The following BMPR1A variants were observed in gnomAD, a reference collection of about 807,000 sequenced individuals.
BMPR1A encodes the protein bone morphogenetic protein receptor type 1A, also known as bone morphogenetic protein receptor type-1A.
BMPR1A carries 7 observed loss-of-function variants against 66.0 expected under a neutral mutation model. That is an observed-to-expected ratio of 0.11 (90% CI 0.06 to 0.20). The LOEUF (loss-of-function observed/expected upper bound fraction) is 0.20. BMPR1A is among the 10% of genes least tolerant of loss of function. The pLI, the probability that BMPR1A is intolerant of heterozygous loss-of-function variation, is 1.00. For synonymous variants in BMPR1A, 200 were observed against 229.7 expected (o/e 0.87, Z 1.17); for missense variants, 408 against 669.1 (o/e 0.61, Z 4.31).
chr10:86,790,235 A>ATATATC (rs1841595462), intron 1 of BMPR1A, among the ~76,000 whole-genome samples: 1 of 87,766 alleles, frequency 1.1e-5, no homozygotes, highest in Non-Finnish European at 2.4e-5. Context: ...ATATATATAT[A>ATATATC]TCAAAACCAC....
At chr10:86,922,798 G>T (rs12765929) in intron 11 of BMPR1A, among the ~76,000 whole-genome samples, 35,902 of 152,254 alleles carry the variant, frequency 0.24, 4,712 homozygotes, top group Admixed American at 0.34. Flanking sequence ...GAAAGCAGAC[G>T]TGCAGTACAC....
intron 2 of BMPR1A, among the ~76,000 whole-genome samples, chr10:86,858,200 A>G (rs1842670674): frequency 1.3e-5 from 2 of 152,150 alleles, no homozygotes; most frequent in Admixed American, 1.3e-4. Flanking sequence ...ATGAAATTTA[A>G]CTCCATGATG....
At chr10:86,757,171 T>C (rs968942953) in intron 1 of BMPR1A, among the ~76,000 whole-genome samples, 1 of 151,952 alleles carries the variant, frequency 6.6e-6, no homozygotes, top group East Asian at 1.9e-4. Context: ...CAGGCCGAGT[T>C]TGGGGATGCG....
intron 2 of BMPR1A, among the ~76,000 whole-genome samples, chr10:86,850,934 A>G (rs1842558630): frequency 6.6e-6 from 1 of 152,240 alleles, no homozygotes. Flanking sequence ...ACAGCTTTAT[A>G]TTATTAGATT....
At chr10:86,797,125 C>T (rs1168967317) in intron 1 of BMPR1A, among the ~76,000 whole-genome samples, 2 of 143,512 alleles carry the variant, frequency 1.4e-5, no homozygotes, top group East Asian at 2.0e-4. Context: ...AGTGCAGTGG[C>T]GCGATCTCTG....
rs1341547533 is a variant in BMPR1A, at chr10:86,925,760, G to T, written c.*2041G>T. 7.9e-6 allele frequency: 1 copy of T among 126,366 alleles called. No homozygotes were observed. The highest frequency in any genetic ancestry group is 1.5e-5 in the Non-Finnish European group (1 of 67,684). The allele number at this position is 126,366 out of a possible 1,614,324, so 7.8% of individuals were successfully genotyped here. A position where few individuals can be genotyped will look rare whatever the true frequency, so the allele number is the denominator to read the frequency against. ...TTTTGAGACGGAGTCTCGCTCTGTC[G>T]CCCAGGCTGGACTGCGGACTGCAGT... On this transcript the variant is annotated 3_prime_UTR_variant, in exon 13 of 13. Transcript: ENST00000372037.
chr10:86,818,495 C>T (rs1294737326), intron 1 of BMPR1A, among the ~76,000 whole-genome samples: 1 of 152,140 alleles, frequency 6.6e-6, no homozygotes, highest in Non-Finnish European at 1.5e-5. Context: ...TTTCAGATTG[C>T]TTTTGTCTCA....
At chr10:86,846,504 C>T (rs1280870605) in intron 2 of BMPR1A, among the ~76,000 whole-genome samples, 1 of 152,194 alleles carries the variant, frequency 6.6e-6, no homozygotes, top group African/African-American at 2.4e-5. Context: ...GCCTCTTCTC[C>T]AGGCTTCTGG....
Position 86,925,721 on chromosome 10 carries a change from C to CTT in BMPR1A, c.*2018_*2019dup, listed in dbSNP as rs11450437. The stretch of plus-strand genomic sequence containing the variant: ...CATAATCTTTAAAATCATTTGTCAT[C>CTT]TTTTTTTTTTTTTTTTTGAGACGGA... On this transcript the variant is annotated 3_prime_UTR_variant, in exon 13 of 13. Coordinates refer to ENST00000372037, the MANE Select transcript of BMPR1A (RefSeq NM_004329.3). 880 of 117,050 alleles carry CTT rather than the reference C, an allele frequency of 7.5e-3. 104 individuals carry two copies. The highest frequency in any genetic ancestry group is 0.029 in the African/African-American group (717 of 25,042). The allele number at this position is 117,050 out of a possible 1,614,324, so 7.3% of individuals were successfully genotyped here. A position where few individuals can be genotyped will look rare whatever the true frequency, so the allele number is the denominator to read the frequency against.
chr10:86,764,247 G>A (rs1337937646), intron 1 of BMPR1A, among the ~76,000 whole-genome samples: 1 of 149,458 alleles, frequency 6.7e-6, no homozygotes, highest in African/African-American at 2.5e-5. Flanking sequence ...GCTAAAAGAA[G>A]CTCTTGTTAG....
intron 1 of BMPR1A, among the ~76,000 whole-genome samples, chr10:86,825,330 C>A (rs931182278): frequency 1.3e-5 from 2 of 152,042 alleles, no homozygotes; most frequent in East Asian, 1.9e-4. Context: ...AAAATAAAGT[C>A]TTTGTGAATT....
chr10:86,915,092 A>G (rs771208826), intron 8 of BMPR1A, among the ~76,000 whole-genome samples: 2 of 152,224 alleles, frequency 1.3e-5, no homozygotes, highest in African/African-American at 2.4e-5. Flanking sequence ...ACTTTATGCT[A>G]CATGAAAGAA....
chr10:86,917,049 T>C, intron 8 of BMPR1A, 85 bp from the exon 9 acceptor site: 1 of 1,444,478 alleles, frequency 6.9e-7, no homozygotes. Flanking sequence ...TACACCATGC[T>C]TTTTGATGAG....
chr10:86,890,602 A>AT (rs201362166), intron 4 of BMPR1A, among the ~76,000 whole-genome samples: 5,245 of 150,422 alleles, frequency 0.035, 207 homozygotes, highest in African/African-American at 0.096. Context: ...TTAAAAAAAA[A>AT]TTTTTTTTTT....
At chr10:86,857,804 A>G (rs1842662320) in intron 2 of BMPR1A, among the ~76,000 whole-genome samples, 1 of 141,100 alleles carries the variant, frequency 7.1e-6, no homozygotes. Context: ...AGACCTAGTC[A>G]TTACTTTATT....
chr10:86,859,061 G>C (rs988871077), intron 2 of BMPR1A, among the ~76,000 whole-genome samples: 1 of 152,166 alleles, frequency 6.6e-6, no homozygotes, highest in Non-Finnish European at 1.5e-5. Context: ...CATGGTACTA[G>C]CATAAAACCA....
At chr10:86,896,533 GGAAATAAGAGTTCAAGGA>G (rs1361604380) in intron 5 of BMPR1A, among the ~76,000 whole-genome samples, 1 of 152,116 alleles carries the variant, frequency 6.6e-6, no homozygotes, top group Non-Finnish European at 1.5e-5. Context: ...GATATTGAAA[GGAAATAAGAGTTCAAGGA>G]GAAATAAGAG....
chr10:86,925,846 G>T lies in BMPR1A; in HGVS notation c.*2127G>T, dbSNP rs2097178176. On this transcript the variant is annotated 3_prime_UTR_variant, in exon 13 of 13. Coordinates refer to ENST00000372037, the MANE Select transcript of BMPR1A (RefSeq NM_004329.3). ...GGGTTCACGCCATTCTCCTGCCTCA[G>T]CCTCCCGAGTAGCTGGGACTACAGG... is the stretch of plus-strand genomic sequence containing the variant. 6.3e-6 allele frequency: 1 copy of T among 158,986 alleles called. No individual in the cohort carries two copies. The highest frequency in any genetic ancestry group is 2.5e-5 in the African/African-American group (1 of 40,056). 9.8% of individuals were successfully genotyped at this position (158,986 alleles called of 1,614,324 possible).
At chr10:86,762,903 A>G (rs1394381850) in intron 1 of BMPR1A, among the ~76,000 whole-genome samples, 1 of 151,328 alleles carries the variant, frequency 6.6e-6, no homozygotes, top group East Asian at 1.9e-4. Flanking sequence ...AGTAGTATTT[A>G]TTTATTTATT....
Sources: allele counts gnomAD v4.1 joint callset (sites outside exome capture counted in the v4.1 genomes callset), GRCh38; gene constraint gnomAD v4.1.1; transcripts MANE v1.5; gene names NCBI Gene and HGNC (gene_info 2026-07-23, HGNC 2026-07-21).